SVIL: variants seen among roughly 807,000 people sequenced by gnomAD.
The protein encoded by SVIL is supervillin.
A neutral mutation model predicts 240.4 loss-of-function variants in SVIL; 101 were observed. That is an observed-to-expected ratio of 0.42 (90% CI 0.36 to 0.50). The LOEUF (loss-of-function observed/expected upper bound fraction) is 0.50. Among genes scored for constraint, SVIL ranks in the 20% least tolerant of loss-of-function variants. The probability of loss-of-function intolerance (pLI) is 0.01; values close to 1 mark genes in which losing one functional copy is unlikely to be tolerated. For missense variants in SVIL, 2,512 were observed against 2,818.7 expected, an observed-to-expected ratio of 0.89 and a Z score of 2.46; for synonymous variants, 999 against 1,100.0, an observed-to-expected ratio of 0.91 and a Z score of 1.82.
At chr10:29,496,311 G>T in intron 18 of SVIL, 1 of 436,564 alleles carries the variant, frequency 2.3e-6, no homozygotes, top group Non-Finnish European at 4.6e-6. Flanking sequence ...ACTGCAAAGG[G>T]TTTCCATCCA....
chr10:29,539,184 TAAATA>T (rs975382355), intron 6 of SVIL, among the ~76,000 whole-genome samples: 1 of 151,740 alleles, frequency 6.6e-6, no homozygotes. Context: ...AATAAATAAA[TAAATA>T]AATAAATAAA....
intron 1 of SVIL, among the ~76,000 whole-genome samples, chr10:29,606,494 TCAA>T (rs1957027939): frequency 6.6e-6 from 1 of 152,240 alleles, no homozygotes; most frequent in Non-Finnish European, 1.5e-5. Context: ...ACTCTGTCTC[TCAA>T]CAAAATTATT....
intron 24 of SVIL, among the ~76,000 whole-genome samples, 173 bp downstream of exon 24, chr10:29,486,990 A>G (rs989113932): frequency 2.6e-5 from 4 of 152,210 alleles, no homozygotes; most frequent in Admixed American, 2.6e-4. Context: ...CCATTTAAAC[A>G]TGTAATGAAA....
At chr10:29,673,595 G>A (rs1392823115) in intron 2 of SVIL, among the ~76,000 whole-genome samples, 2 of 147,980 alleles carry the variant, frequency 1.4e-5, no homozygotes, top group African/African-American at 4.9e-5. Flanking sequence ...GAGAGAGAGA[G>A]AGAGAGAGAG....
At chr10:29,507,841 G>C (rs1949494924) in intron 17 of SVIL, 2 of 951,266 alleles carry the variant, frequency 2.1e-6, no homozygotes, top group East Asian at 1.2e-4. Context: ...GAGGGTTTAA[G>C]GTGAAAAGAG....
chr10:29,694,123 C>T (rs1961735895), intron 1 of SVIL, among the ~76,000 whole-genome samples: 1 of 144,532 alleles, frequency 6.9e-6, no homozygotes, highest in African/African-American at 2.6e-5. Flanking sequence ...AAAGGAATAA[C>T]AAAAATTGAT....
chr10:29,497,552 C>T (rs578028451), intron 18 of SVIL, among the ~76,000 whole-genome samples: 1 of 152,280 alleles, frequency 6.6e-6, no homozygotes, highest in South Asian at 2.1e-4. Flanking sequence ...AAATCAGTTC[C>T]AAGAGCTCAG....
intron 1 of SVIL, among the ~76,000 whole-genome samples, chr10:29,692,662 T>C (rs1564768180): frequency 6.7e-6 from 1 of 150,116 alleles, no homozygotes; most frequent in African/African-American, 2.4e-5. Flanking sequence ...TATAAAAATA[T>C]ATTTTTTTAA....
chr10:29,638,324 T>C (rs546115704), upstream of SVIL, among the ~76,000 whole-genome samples: 480 of 151,622 alleles, frequency 3.2e-3, 5 homozygotes, highest in African/African-American at 0.011. Context: ...TAGCCAGGCA[T>C]GGTGGCTGGC....
At chr10:29,690,779 C>A (rs4747673) in intron 1 of SVIL, among the ~76,000 whole-genome samples, 21,712 of 152,122 alleles carry the variant, frequency 0.14, 1,655 homozygotes, top group Admixed American at 0.22. Flanking sequence ...CCCATGAGAA[C>A]ACCTGCATAT....
chr10:29,667,618 GA>G (rs1813785962), intron 2 of SVIL, among the ~76,000 whole-genome samples: 1 of 152,124 alleles, frequency 6.6e-6, no homozygotes. Flanking sequence ...TTGGGAGGTT[GA>G]GAGGGAAGGA....
chr10:29,493,407 C>T lies in SVIL; in HGVS notation c.3842-16G>A. The stretch of plus-strand genomic sequence containing the variant: ...ATCCCGCCAACTATCAACAAACAAG[C>T]AAAAGACATAAGAGTTTTATAAAAA... On this transcript the variant is annotated splice_polypyrimidine_tract_variant and intron_variant, in intron 20 of 37. Coordinates refer to ENST00000355867, the MANE Select transcript of SVIL (RefSeq NM_021738.3). 1 of 1,613,466 alleles carries T rather than the reference C, an allele frequency of 6.2e-7. No homozygotes were observed. Among genetic ancestry groups the T allele is most frequent in the African/African-American group, 1.3e-5 (1 of 75,016 alleles).
At chr10:29,564,115 T>G (rs1461770876) in intron 2 of SVIL, among the ~76,000 whole-genome samples, 2 of 151,546 alleles carry the variant, frequency 1.3e-5, no homozygotes, top group Non-Finnish European at 1.5e-5. Context: ...TATTGACTGG[T>G]GGTGTCAACA....
intron 3 of SVIL, chr10:29,644,015 T>C (rs1170102276): frequency 3.9e-6 from 2 of 518,384 alleles, no homozygotes; most frequent in Admixed American, 3.9e-5. Context: ...CTCAGAGTCT[T>C]GAGAGTAATC....
intron 1 of SVIL, chr10:29,686,763 C>T (rs993539381): frequency 3.9e-5 from 6 of 152,288 alleles, no homozygotes; most frequent in Admixed American, 3.9e-4. Context: ...GGAAATACCG[C>T]ACTGCTTCTT....
At chr10:29,538,863 T>C (rs533361486) in intron 6 of SVIL, among the ~76,000 whole-genome samples, 5 of 152,326 alleles carry the variant, frequency 3.3e-5, no homozygotes, top group Admixed American at 3.3e-4. Flanking sequence ...CAAATGTATG[T>C]AATAAGAAAC....
chr10:29,699,664 A>T (rs185586554), intron 1 of SVIL, among the ~76,000 whole-genome samples: 1 of 152,142 alleles, frequency 6.6e-6, no homozygotes, highest in Admixed American at 6.5e-5. Flanking sequence ...ACTCACAAAG[A>T]CGTTTTGCTT....
intron 2 of SVIL, among the ~76,000 whole-genome samples, chr10:29,667,076 G>T (rs993500405): frequency 6.6e-6 from 1 of 152,062 alleles, no homozygotes; most frequent in Non-Finnish European, 1.5e-5. Flanking sequence ...AGCCTAGCAG[G>T]TGTTTCTTCT....
intron 18 of SVIL, among the ~76,000 whole-genome samples, chr10:29,497,603 C>A (rs1948545720): frequency 6.6e-6 from 1 of 152,176 alleles, no homozygotes; most frequent in African/African-American, 2.4e-5. Flanking sequence ...TGCCTAGGAA[C>A]TGAGGACATA....
Sources: allele counts gnomAD v4.1 joint callset (sites outside exome capture counted in the v4.1 genomes callset), GRCh38; gene constraint gnomAD v4.1.1; transcripts MANE v1.5; gene names NCBI Gene and HGNC (gene_info 2026-07-23, HGNC 2026-07-21).